The following UMODL1 variants were observed in gnomAD, a reference collection of about 807,000 sequenced individuals.
UMODL1 encodes uromodulin-like 1.
UMODL1 carries 128 observed loss-of-function variants against 136.3 expected under a neutral mutation model. The observed-to-expected ratio is 0.94, with a 90% CI of 0.81 to 1.09. The LOEUF (loss-of-function observed/expected upper bound fraction) is 1.09. UMODL1 is among the 50% of genes least tolerant of loss of function. The probability of loss-of-function intolerance (pLI) is 0.00; values close to 1 mark genes in which losing one functional copy is unlikely to be tolerated. For missense variants in UMODL1, 1,766 were observed against 1,725.6 expected, an observed-to-expected ratio of 1.02 and a Z score of -0.41; for synonymous variants, 721 against 720.0, an observed-to-expected ratio of 1.00 and a Z score of -0.02.
intron 12 of UMODL1, 55 bp from the exon 13 acceptor site, chr21:42,113,517 CT>C: frequency 3.2e-6 from 5 of 1,569,448 alleles, no homozygotes; most frequent in Non-Finnish European, 4.3e-6. Flanking sequence ...GGCGAGGCTT[CT>C]TTTCTCCTAG....
chr21:42,130,636 G>A (rs1476931645), intron 21 of UMODL1, among the ~76,000 whole-genome samples: 5 of 152,060 alleles, frequency 3.3e-5, no homozygotes, highest in East Asian at 1.9e-4. Context: ...CCAATGACAC[G>A]TAAGTGGAAA....
intron 9 of UMODL1, among the ~76,000 whole-genome samples, chr21:42,107,608 G>A (rs2066740441): frequency 2.0e-5 from 3 of 152,304 alleles, no homozygotes; most frequent in African/African-American, 7.2e-5. Context: ...GCATTAGGAT[G>A]AGGTGCTCTG....
At position 42,137,495 on chromosome 21, in the gene UMODL1, G is replaced by A; in HGVS notation, c.3832G>A (p.Val1278Met). The change falls in exon 22 of 23, where the codon GTG becomes ATG. Residue 1278 changes from valine to methionine, a missense_variant. Physicochemically the swap from Val to Met is conservative, Grantham distance 21. Coordinates refer to ENST00000408910, the MANE Select transcript of UMODL1 (RefSeq NM_001004416.3). The part of the protein sequence containing the change: ...LGAGYVVLIV[V>M]AIFVLVAGTA... ...TGCCGGTTATGTGGTCCTTATTGTG[G>A]TGGCCATCTTCGTGCTGGTGGCGGG... is the stretch of plus-strand genomic sequence containing the variant. 1 of 1,614,246 alleles carries A rather than the reference G, an allele frequency of 6.2e-7. No individual in the cohort carries two copies. Among genetic ancestry groups the A allele is most frequent in the South Asian group, 1.1e-5 (1 of 91,090 alleles).
intron 20 of UMODL1, 128 bp from the exon 21 acceptor site, chr21:42,129,585 C>A: frequency 1.2e-6 from 1 of 801,100 alleles, no homozygotes; most frequent in East Asian, 3.0e-5. Flanking sequence ...TAAACTCAGC[C>A]CCCTTGCCTT....
At chr21:42,101,994 A>G (rs2066640222) in intron 7 of UMODL1, 172 bp from the exon 8 acceptor site, 5 of 547,422 alleles carry the variant, frequency 9.1e-6, no homozygotes. Context: ...GTGTTTGTTT[A>G]TTCTCTCGTT....
chr21:42,108,211 C>T (rs2066750849), intron 9 of UMODL1: 1 of 456,904 alleles, frequency 2.2e-6, no homozygotes, highest in African/African-American at 2.0e-5. Flanking sequence ...CAGCGTCTTG[C>T]CTGGTGCCTC....
chr21:42,115,578 T>G (rs570626770), intron 13 of UMODL1, among the ~76,000 whole-genome samples: 1 of 152,252 alleles, frequency 6.6e-6, no homozygotes, highest in East Asian at 1.9e-4. Flanking sequence ...AACCCCAGCA[T>G]GGGGGAACGG....
chr21:42,073,094 T>G (rs2066250478), intron 1 of UMODL1, among the ~76,000 whole-genome samples: 1 of 152,212 alleles, frequency 6.6e-6, no homozygotes, highest in Non-Finnish European at 1.5e-5. Flanking sequence ...GCTGGGGCCA[T>G]GTAACGATCA....
In UMODL1 at chr21:42,122,333, C is replaced by T. The variant is rs1055672119; in HGVS notation, c.2828-498C>T. 3.3e-5 allele frequency among the ~76,000 whole-genome samples: 5 copies of T among 152,074 alleles called. No homozygotes were observed. Among genetic ancestry groups the T allele is most frequent in the Non-Finnish European group, 7.4e-5 (5 of 68,012 alleles). On this transcript the variant is annotated intron_variant, in intron 16 of 22. Coordinates refer to ENST00000408910, the MANE Select transcript of UMODL1 (RefSeq NM_001004416.3). The surrounding 1 kb of genome is among the most constrained non-coding windows in gnomAD (Gnocchi z 4.3). The stretch of plus-strand genomic sequence containing the variant: ...ACCTGCTCTGGGGGCAAGAAGGGAG[C>T]TGGAGTGGGAAGTTTGGGCACAAGG...
At chr21:42,101,611 C>A in intron 7 of UMODL1, 1 of 427,224 alleles carries the variant, frequency 2.3e-6, no homozygotes, top group South Asian at 1.7e-5. Flanking sequence ...ATGAATATTC[C>A]CGTGTCCCAT....
intron 1 of UMODL1, among the ~76,000 whole-genome samples, chr21:42,074,639 G>T (rs543286876): frequency 6.6e-6 from 1 of 152,278 alleles, no homozygotes; most frequent in Non-Finnish European, 1.5e-5. Flanking sequence ...AGAGATATGT[G>T]GGGCCCAATA....
chr21:42,106,243 C>T (rs906683495), intron 9 of UMODL1, among the ~76,000 whole-genome samples: 2 of 152,212 alleles, frequency 1.3e-5, no homozygotes, highest in African/African-American at 4.8e-5. Flanking sequence ...GGCCTGAGCC[C>T]AGCTTACAGG....
rs751466908 is a variant in UMODL1, at chr21:42,084,134, G to A, written c.370G>A (p.Glu124Lys). 12 of 1,613,946 alleles carry A rather than the reference G, an allele frequency of 7.4e-6. No individual in the cohort carries two copies. In the Admixed American group the frequency reaches 2.0e-4, roughly 27 times the overall value. The change falls in exon 3 of 23, where the codon GAG (glutamate) becomes AAG (lysine). Residue 124 changes from glutamate to lysine, a missense_variant. By Grantham distance (56) the Glu-to-Lys change is moderately conservative. Coordinates refer to ENST00000408910, the MANE Select transcript of UMODL1 (RefSeq NM_001004416.3). The stretch of plus-strand genomic sequence containing the variant: ...GTCAAGACCTGGGGCCTGCCCCGCA[G>A]AGGGGCCTGAACCATCCACCTCCCC... ...FTSRPGACPA[E>K]GPEPSTSPCS...
At chr21:42,141,915 A>G (rs2067287041) in intron 22 of UMODL1, among the ~76,000 whole-genome samples, 181 bp from the exon 23 acceptor site, 1 of 152,208 alleles carries the variant, frequency 6.6e-6, no homozygotes, top group Non-Finnish European at 1.5e-5. Context: ...TCCCCGTTCC[A>G]CTGGGCACTC....
intron 22 of UMODL1, among the ~76,000 whole-genome samples, chr21:42,138,795 C>A (rs1237573459): frequency 6.6e-6 from 1 of 152,106 alleles, no homozygotes; most frequent in African/African-American, 2.4e-5. Context: ...GGCTGGTCTC[C>A]AACTCCTGAC....
Position 42,120,967 on chromosome 21 carries a change from G to T in UMODL1, c.2690-120G>T, listed in dbSNP as rs1210429709. ...TCCAGAACTGGTGAGCTTGACTGCA[G>T]TCTGCTGTGGCTGGAGTTTCCAGCT... is the stretch of plus-strand genomic sequence containing the variant. On this transcript the variant is annotated intron_variant, in intron 15 of 22. Coordinates refer to ENST00000408910, the MANE Select transcript of UMODL1 (RefSeq NM_001004416.3). The T allele has an allele frequency of 3.0e-6, 4 of 1,316,024 alleles. No individual in the cohort carries two copies. The Admixed American group carries it at 9.4e-5, about 31-fold the overall frequency. 81.5% of individuals were successfully genotyped at this position (1,316,024 alleles called of 1,614,324 possible). A position where few individuals can be genotyped will look rare whatever the true frequency, so the allele number is the denominator to read the frequency against.
In UMODL1 at chr21:42,111,493, C is replaced by G; in HGVS notation, c.1900-13C>G. On this transcript the variant is annotated splice_polypyrimidine_tract_variant and intron_variant, in intron 11 of 22. Transcript: ENST00000408910. ...CTGGGGCCACAGATGGCCCACTGGC[C>G]CTCCCTGGACAGCTACAGGGAAACT... 1 of 1,613,768 alleles carries G rather than the reference C, an allele frequency of 6.2e-7. No homozygotes were observed. The highest frequency in any genetic ancestry group is 1.1e-5 in the South Asian group (1 of 91,076).
intron 6 of UMODL1, among the ~76,000 whole-genome samples, chr21:42,097,309 C>T (rs2066570080): frequency 6.6e-6 from 1 of 152,200 alleles, no homozygotes; most frequent in South Asian, 2.1e-4. Context: ...GTAACAGATG[C>T]TCATCTGCTG....
chr21:42,115,735 A>G (rs2066893557), intron 13 of UMODL1, 138 bp from the exon 14 acceptor site: 1 of 639,814 alleles, frequency 1.6e-6, no homozygotes, highest in Admixed American at 2.4e-5. Flanking sequence ...CCCTGGCACT[A>G]TTCCTTCTTT....
Sources: gnomAD v4.1 joint callset for allele counts (sites outside exome capture counted in the v4.1 genomes callset) on GRCh38, gnomAD v4.1.1 for gene constraint, Gnocchi (gnomAD v3.1) non-coding constraint, MANE v1.5 for transcripts, NCBI Gene and HGNC (gene_info 2026-07-23, HGNC 2026-07-21) for gene names.